The following CTBP1 variants were observed in gnomAD, a reference collection of about 807,000 sequenced individuals.
CTBP1 encodes the protein C-terminal binding protein 1.
Under a neutral mutation model 42.1 loss-of-function variants are expected in CTBP1, and 11 were observed. That is an observed-to-expected ratio of 0.26 (90% CI 0.16 to 0.43). The LOEUF is 0.43. Among genes scored for constraint, CTBP1 ranks in the 20% least tolerant of loss-of-function variants. CTBP1 has a pLI of 1.00. For missense variants in CTBP1, 399 were observed against 624.3 expected (o/e 0.64, Z 3.85); for synonymous variants, 324 against 277.1 (o/e 1.17, Z -1.68).
chr4:1,214,408 G>T lies in CTBP1; in HGVS notation c.795C>A (p.Ala265=). The change falls in exon 7 of 10, where the codon GCC becomes GCA. Residue 265 remains alanine, a synonymous_variant. Coordinates refer to ENST00000382952, the MANE Select transcript of CTBP1 (RefSeq NM_001012614.2). ...GGATCCGGCCCTCCTTCAGGGCCTG[G>T]GCCAGCGCCTTCTCATCCACCAGGC... ...RGGLVDEKAL[A]QALKEGRIRG... 6.3e-7 allele frequency: 1 copy of T among 1,575,762 alleles called. No homozygotes were observed. Among genetic ancestry groups the T allele is most frequent in the Non-Finnish European group, 8.6e-7 (1 of 1,164,190 alleles).
intron 5 of CTBP1, chr4:1,221,883 G>T: frequency 2.5e-6 from 1 of 399,308 alleles, no homozygotes. Flanking sequence ...AAGGGAAGGA[G>T]GGAGGAAAGA....
rs553906167 is a variant in CTBP1, at chr4:1,222,944, A to C, written c.514+2416T>G. Among the ~76,000 whole-genome samples the C allele has an allele frequency of 6.7e-5, 10 of 149,606 alleles. No individual in the cohort carries two copies. The East Asian group carries it at 1.4e-3, about 21-fold the overall frequency. ...CACAGACACAGCCCATACCCCCCCC[A>C]CATCCCACAGTCCCTCGTACACCTC... On this transcript the variant is annotated intron_variant, in intron 5 of 9. Transcript: ENST00000382952.
chr4:1,213,397 G>A (rs1326243901), intron 8 of CTBP1, 81 bp downstream of exon 8: 1 of 1,584,674 alleles, frequency 6.3e-7, no homozygotes, highest in Non-Finnish European at 8.5e-7. Flanking sequence ...GGGCCTGGCT[G>A]CCAGGCGGAT....
chr4:1,228,164 G>C (rs779828822), intron 4 of CTBP1, 35 bp downstream of exon 4: 4 of 1,610,054 alleles, frequency 2.5e-6, no homozygotes, highest in Non-Finnish European at 8.5e-7. Context: ...GAGCTTGCAT[G>C]AATGGGCACA....
At position 1,238,786 on chromosome 4, in the gene CTBP1, C is replaced by A. The variant is rs1228987588; in HGVS notation, c.8-449G>T. 6.6e-6 allele frequency among the ~76,000 whole-genome samples: 1 copy of A among 151,498 alleles called. No homozygotes were observed. The highest frequency in any genetic ancestry group is 1.5e-5 in the Non-Finnish European group (1 of 67,856). ...CGAGACACCTCCCGACCCTCCTAGG[C>A]CCTCCAAGACCCTCTGAGACCCCCC... On this transcript the variant is annotated intron_variant, in intron 2 of 9. Coordinates refer to ENST00000382952, the MANE Select transcript of CTBP1 (RefSeq NM_001012614.2). This position sits in a 1 kb window ranked among gnomAD's most constrained non-coding sequence, Gnocchi z 5.9.
rs374084054 is a variant in CTBP1, at chr4:1,238,186, C to T, written c.159G>A (p.Glu53=). 1.9e-6 allele frequency: 3 copies of T among 1,612,844 alleles called. No individual in the cohort carries two copies. Among genetic ancestry groups the T allele is most frequent in the African/African-American group, 2.7e-5 (2 of 74,948 alleles). ...CDAQSTQEIH[E]KVLNEAVGAL... is the part of the protein sequence containing the mutation. ...CCAGGCGACCACGTGGTGGTACCTTCTCATGGATCTCCTGCGTGGACTGCG... is the reference window on the plus strand; with the variant it reads ...CCAGGCGACCACGTGGTGGTACCTTTTCATGGATCTCCTGCGTGGACTGCG... The change falls in exon 3 of 10, where the codon GAG becomes GAA. Residue 53 remains glutamate, a synonymous_variant. Transcript: ENST00000382952. The surrounding 1 kb of genome is among the most constrained non-coding windows in gnomAD (Gnocchi z 5.9).
At chr4:1,232,124 G>T (rs534530163) in intron 3 of CTBP1, among the ~76,000 whole-genome samples, 15 of 152,226 alleles carry the variant, frequency 9.9e-5, no homozygotes, top group Non-Finnish European at 2.2e-4. Context: ...ACTCGCTGCA[G>T]CCTTGACCTC....
chr4:1,243,800 C>G, intron 1 of CTBP1: 5 of 985,428 alleles, frequency 5.1e-6, no homozygotes, highest in Non-Finnish European at 6.0e-6. Flanking sequence ...CCTGTGCTGT[C>G]CAAATCCAGG....
chr4:1,214,508 G>T, intron 6 of CTBP1, 35 bp from the exon 7 acceptor site: 1 of 1,540,136 alleles, frequency 6.5e-7, no homozygotes, highest in Non-Finnish European at 8.7e-7. Flanking sequence ...GCCCAGTCAG[G>T]GATCCGCACA....
At chr4:1,230,234 G>T (rs528977984) in intron 3 of CTBP1, among the ~76,000 whole-genome samples, 1 of 152,328 alleles carries the variant, frequency 6.6e-6, no homozygotes, top group East Asian at 1.9e-4. Context: ...AGGCCACAAG[G>T]ACAGCATGGG....
In CTBP1 at chr4:1,216,861, T is replaced by C. The variant is rs375280700; in HGVS notation, c.515-656A>G. 114 of 159,898 alleles carry C rather than the reference T, an allele frequency of 7.1e-4. 1 individual carries two copies. The South Asian group carries it at 0.019, about 26-fold the overall frequency. 9.9% of individuals were successfully genotyped at this position (159,898 alleles called of 1,614,324 possible). A position where few individuals can be genotyped will look rare whatever the true frequency, so the allele number is the denominator to read the frequency against. On this transcript the variant is annotated intron_variant, in intron 5 of 9. Coordinates refer to ENST00000382952, the MANE Select transcript of CTBP1 (RefSeq NM_001012614.2). ...GCCGGCTCCTCCTCGGGGAAGGGTC[T>C]GCAGAGTGCTCGTGCCCACTGTGAG...
chr4:1,215,954 C>T (rs375999937), intron 6 of CTBP1, 37 bp downstream of exon 6: 136 of 1,570,506 alleles, frequency 8.7e-5, no homozygotes, highest in Middle Eastern at 2.3e-4. Context: ...GTACCTGCCC[C>T]GCAGAAGTAG....
At chr4:1,222,052 T>G (rs1161222257) in intron 5 of CTBP1, among the ~76,000 whole-genome samples, 2 of 152,034 alleles carry the variant, frequency 1.3e-5, no homozygotes, top group Non-Finnish European at 2.9e-5. Context: ...GATTCCACGC[T>G]AAGAACAACC....
intron 5 of CTBP1, chr4:1,216,725 G>A (rs766867525): frequency 4.1e-5 from 7 of 170,404 alleles, no homozygotes; most frequent in African/African-American, 7.1e-5. Flanking sequence ...CGAGTGGAGC[G>A]GCAGAGAAAG....
rs1374959695 is a variant in CTBP1 at position 1,228,873 on chromosome 4, C to T, written c.163-530G>A. Among the ~76,000 whole-genome samples the T allele has an allele frequency of 3.3e-5, 5 of 152,226 alleles. No individual in the cohort carries two copies. The South Asian group carries it at 8.3e-4, about 25-fold the overall frequency. On this transcript the variant is annotated intron_variant, in intron 3 of 9. Transcript: ENST00000382952. Reference sequence around the variant, plus strand: ...CGTCGGCGGAGGCAGGCAGACGCCACCCAGCCGTAAGGATACATCCACAGG... The same window carrying T: ...CGTCGGCGGAGGCAGGCAGACGCCATCCAGCCGTAAGGATACATCCACAGG...
intron 6 of CTBP1, chr4:1,215,694 G>A: frequency 2.2e-6 from 1 of 456,544 alleles, no homozygotes; most frequent in Admixed American, 3.9e-5. Context: ...CCCCCAGGTA[G>A]CTGCATCTGT....
chr4:1,243,194 G>A lies in CTBP1; in HGVS notation c.-188-1675C>T, dbSNP rs999190176. On this transcript the variant is annotated intron_variant, in intron 1 of 9. Transcript: ENST00000382952. Reference sequence around the variant, plus strand: ...CAGCCGCTGCTCCTGGAGGATCATCGATACCCATCAATGCTGCTCAATGCT... The same window carrying A: ...CAGCCGCTGCTCCTGGAGGATCATCAATACCCATCAATGCTGCTCAATGCT... The A allele has an allele frequency of 2.0e-5, 20 of 985,214 alleles. No individual in the cohort carries two copies. In the South Asian group the frequency reaches 6.6e-4, roughly 32 times the overall value. The allele number at this position is 985,214 out of a possible 1,614,324, so 61.0% of individuals were successfully genotyped here. A position where few individuals can be genotyped will look rare whatever the true frequency, so the allele number is the denominator to read the frequency against.
chr4:1,236,298 G>A (rs1286738716), intron 3 of CTBP1: 8 of 336,490 alleles, frequency 2.4e-5, no homozygotes, highest in South Asian at 4.6e-5. Context: ...TTCTCATCAC[G>A]GAGGAGCCTG....
intron 1 of CTBP1, chr4:1,245,177 T>C: frequency 1.0e-6 from 1 of 985,396 alleles, no homozygotes; most frequent in Non-Finnish European, 1.2e-6. Flanking sequence ...GCAGCATCCC[T>C]GTGAGCCAGG....
Sources: allele counts gnomAD v4.1 joint callset (sites outside exome capture counted in the v4.1 genomes callset), GRCh38; gene constraint gnomAD v4.1.1; non-coding constraint Gnocchi (gnomAD v3.1); transcripts MANE v1.5; gene names NCBI Gene and HGNC (gene_info 2026-07-23, HGNC 2026-07-21).